The following DPP10 variants were observed in gnomAD, a reference collection of about 807,000 sequenced individuals.
The protein encoded by DPP10 is inactive dipeptidyl peptidase 10.
A neutral mutation model predicts 120.9 loss-of-function variants in DPP10; 33 were observed. The ratio of observed to expected loss-of-function variants is 0.27; its 90% CI spans 0.21 to 0.37. DPP10 has a LOEUF of 0.37. Ranked by LOEUF, DPP10 falls within the 10% of genes least tolerant of loss-of-function variation. The pLI is 1.00. For missense variants in DPP10, 816 were observed against 942.8 expected (o/e 0.87, Z 1.76); for synonymous variants, 337 against 326.1 (o/e 1.03, Z -0.36).
At chr2:115,265,881 C>A (rs1020055950) in intron 1 of DPP10, among the ~76,000 whole-genome samples, 5 of 150,754 alleles carry the variant, frequency 3.3e-5, no homozygotes, top group Non-Finnish European at 7.4e-5. Flanking sequence ...GAGGTTGAGA[C>A]TGCAGTGAGC....
intron 1 of DPP10, among the ~76,000 whole-genome samples, chr2:115,076,073 C>G (rs1048051471): frequency 6.6e-6 from 1 of 152,066 alleles, no homozygotes; most frequent in Non-Finnish European, 1.5e-5. Context: ...TTCTTAACCT[C>G]CCAATCTCCA....
At chr2:114,810,546 T>C (rs1574242904) in intron 1 of DPP10, among the ~76,000 whole-genome samples, 1 of 152,226 alleles carries the variant, frequency 6.6e-6, no homozygotes, top group Non-Finnish European at 1.5e-5. Flanking sequence ...CTTGGTTAAG[T>C]CTGGAATAAT....
intron 1 of DPP10, among the ~76,000 whole-genome samples, chr2:114,609,815 C>T (rs960805704): frequency 9.9e-5 from 15 of 152,102 alleles, no homozygotes; most frequent in Non-Finnish European, 2.2e-4. Flanking sequence ...TTGTAAGAAA[C>T]CTGTGAGTGA....
In DPP10 at chr2:114,945,201, A is replaced by G. The variant is rs183832671; in HGVS notation, c.61-364038A>G. ...TGTTTGGTGGTGATATTTTAGATAC[A>G]ATACTAAAAGCATAATCTGTAACAA... On this transcript the variant is annotated intron_variant, in intron 1 of 25. Coordinates refer to ENST00000410059, the MANE Select transcript of DPP10 (RefSeq NM_020868.6). Among the ~76,000 whole-genome samples the G allele has an allele frequency of 1.7e-4, 26 of 152,352 alleles. No homozygotes were observed. In the East Asian group the frequency reaches 4.8e-3, roughly 28 times the overall value.
intron 1 of DPP10, among the ~76,000 whole-genome samples, chr2:114,764,865 AAACTT>A (rs1680576743): frequency 6.6e-6 from 1 of 152,194 alleles, no homozygotes; most frequent in South Asian, 2.1e-4. Flanking sequence ...GAGAAGGAAA[AAACTT>A]CATTTATACT....
chr2:114,501,528 G>T (rs1683180830), intron 1 of DPP10, among the ~76,000 whole-genome samples: 1 of 152,118 alleles, frequency 6.6e-6, no homozygotes, highest in African/African-American at 2.4e-5. Context: ...TGTTCTAAAT[G>T]ACCTTTATCA....
intron 1 of DPP10, among the ~76,000 whole-genome samples, chr2:114,575,009 G>A (rs1432304166): frequency 6.6e-6 from 1 of 152,148 alleles, no homozygotes; most frequent in African/African-American, 2.4e-5. Flanking sequence ...CAACTAAATA[G>A]CAACAGCAGG....
At chr2:114,980,811 A>G (rs977654549) in intron 1 of DPP10, among the ~76,000 whole-genome samples, 6 of 151,990 alleles carry the variant, frequency 3.9e-5, no homozygotes, top group African/African-American at 9.7e-5. Flanking sequence ...CTTTTTAACT[A>G]TCAGTTTCAT....
chr2:114,517,038 C>A (rs1684648925), intron 1 of DPP10, among the ~76,000 whole-genome samples: 1 of 151,596 alleles, frequency 6.6e-6, no homozygotes, highest in African/African-American at 2.4e-5. Flanking sequence ...TTTTTTCTAA[C>A]TAACTTTAGG....
At chr2:114,663,526 A>G (rs1697610856) in intron 1 of DPP10, among the ~76,000 whole-genome samples, 2 of 150,018 alleles carry the variant, frequency 1.3e-5, no homozygotes, top group South Asian at 2.1e-4. Flanking sequence ...TGGTTGTTTT[A>G]TTATACATTT....
At chr2:115,399,740 C>T (rs1403175522) in intron 3 of DPP10, among the ~76,000 whole-genome samples, 1 of 152,116 alleles carries the variant, frequency 6.6e-6, no homozygotes, top group African/African-American at 2.4e-5. Context: ...TTCATCACAA[C>T]TTCTTCCAAG....
intron 1 of DPP10, among the ~76,000 whole-genome samples, chr2:114,591,761 G>A (rs933343486): frequency 3.3e-5 from 5 of 151,790 alleles, no homozygotes; most frequent in Non-Finnish European, 5.9e-5. Context: ...CACCATGTTG[G>A]TCAGGCTGGT....
chr2:114,625,833 C>T (rs1694467531), intron 1 of DPP10, among the ~76,000 whole-genome samples: 1 of 151,828 alleles, frequency 6.6e-6, no homozygotes, highest in East Asian at 1.9e-4. Context: ...CATATATTTC[C>T]TTCTGCAGAC....
chr2:114,923,641 G>C (rs1695378849), intron 1 of DPP10, among the ~76,000 whole-genome samples: 1 of 151,444 alleles, frequency 6.6e-6, no homozygotes, highest in Non-Finnish European at 1.5e-5. Flanking sequence ...ACCACGCCTG[G>C]CTAATTTTTT....
chr2:114,964,466 G>A (rs1223481880), intron 1 of DPP10, among the ~76,000 whole-genome samples: 1 of 152,066 alleles, frequency 6.6e-6, no homozygotes. Context: ...AAGTGTGGGG[G>A]TATTGAAATT....
intron 1 of DPP10, among the ~76,000 whole-genome samples, chr2:114,678,129 T>C (rs377587911): frequency 4.6e-5 from 7 of 152,112 alleles, no homozygotes; most frequent in African/African-American, 1.4e-4. Flanking sequence ...AATGGCTTAA[T>C]TACAATGAGA....
rs113834899 is a variant in DPP10 at position 114,461,782 on chromosome 2, T to A, written c.60+18944T>A. On this transcript the variant is annotated intron_variant, in intron 1 of 25. Transcript: ENST00000410059. ...GTGCTGCCATCCGTAAATTGGAGGA[T>A]TAGAGAAATAATATACACAAGTACC... 1.1e-5 allele frequency: 11 copies of A among 985,344 alleles called. No individual in the cohort carries two copies. In the African/African-American group the frequency reaches 1.2e-4, roughly 11 times the overall value. The allele number at this position is 985,344 out of a possible 1,614,324, so 61.0% of individuals were successfully genotyped here. A position where few individuals can be genotyped will look rare whatever the true frequency, so the allele number is the denominator to read the frequency against.
intron 2 of DPP10, among the ~76,000 whole-genome samples, chr2:115,330,920 G>A (rs1375518487): frequency 6.6e-6 from 1 of 151,964 alleles, no homozygotes; most frequent in Non-Finnish European, 1.5e-5. Context: ...CTCTTTTTTG[G>A]TTCCATATGA....
Position 114,681,843 on chromosome 2 carries a change from T to C in DPP10, c.60+239005T>C, listed in dbSNP as rs558205555. Among the ~76,000 whole-genome samples, 8 of 152,134 alleles carry C rather than the reference T, an allele frequency of 5.3e-5. No individual in the cohort carries two copies. In the South Asian group the frequency reaches 1.7e-3, roughly 32 times the overall value. On this transcript the variant is annotated intron_variant, in intron 1 of 25. Transcript: ENST00000410059. ...GCTATATTTTATGTTTCTATCATAA[T>C]CCATGTTGTGAGATCACTGTGGCAT...
Sources: allele counts gnomAD v4.1 joint callset (sites outside exome capture counted in the v4.1 genomes callset), GRCh38; gene constraint gnomAD v4.1.1; transcripts MANE v1.5; gene names NCBI Gene and HGNC (gene_info 2026-07-23, HGNC 2026-07-21).